NOL4L: variants seen among roughly 807,000 people sequenced by gnomAD.
NOL4L encodes the protein nucleolar protein 4-like.
A neutral mutation model predicts 64.5 loss-of-function variants in NOL4L; 7 were observed. That is an observed-to-expected ratio of 0.11 (90% CI 0.06 to 0.20). NOL4L has a LOEUF of 0.20. Ranked by LOEUF, NOL4L falls within the 10% of genes least tolerant of loss-of-function variation. NOL4L has a pLI of 1.00. For synonymous variants in NOL4L, 413 were observed against 401.0 expected, an observed-to-expected ratio of 1.03 and a Z score of -0.36; for missense variants, 680 against 967.1, an observed-to-expected ratio of 0.70 and a Z score of 3.94.
chr20:32,511,364 T>C lies in NOL4L; in HGVS notation c.682A>G (p.Met228Val), dbSNP rs541191150. 1.9e-5 allele frequency: 30 copies of C among 1,550,034 alleles called. No individual in the cohort carries two copies. The South Asian group carries it at 3.5e-4, about 18-fold the overall frequency. The change falls in exon 4 of 11, where the codon ATG (methionine) becomes GTG (valine). Residue 228 changes from methionine to valine, a missense_variant. Transcript: ENST00000621426. ...CGCCTTACCTGCTCCTGGGAATTCA[T>C]CACTCGAAGCTTCATCTGCTTCAGG... The part of the protein sequence containing the change: ...TYLKQMKLRV[M>V]NSQEQDETSV...
At chr20:32,546,058 C>T (rs1012947448) in intron 1 of NOL4L, among the ~76,000 whole-genome samples, 2 of 151,580 alleles carry the variant, frequency 1.3e-5, no homozygotes, top group African/African-American at 4.8e-5. Context: ...AGGCGATTCT[C>T]CTGCCTCAGC....
At chr20:32,576,138 G>A (rs1422798154) in intron 1 of NOL4L, among the ~76,000 whole-genome samples, 1 of 152,212 alleles carries the variant, frequency 6.6e-6, no homozygotes, top group African/African-American at 2.4e-5. Flanking sequence ...AGTGAGACAG[G>A]AGTCTTGGAG....
chr20:32,515,260 G>C (rs1471365056), intron 3 of NOL4L, among the ~76,000 whole-genome samples: 1 of 152,166 alleles, frequency 6.6e-6, no homozygotes, highest in East Asian at 1.9e-4. Context: ...TGGTCTTGGG[G>C]AAGCTGGAAC....
In NOL4L at chr20:32,527,159, C is replaced by T. The variant is rs1033624489; in HGVS notation, c.477+599G>A. Among the ~76,000 whole-genome samples the T allele has an allele frequency of 3.9e-5, 6 of 152,298 alleles. No homozygotes were observed. The East Asian group carries it at 9.7e-4, about 25-fold the overall frequency. On this transcript the variant is annotated intron_variant, in intron 2 of 10. Transcript: ENST00000621426. ...ATGCCCCTGAGCCTGGGTTCTTGCT[C>T]TCTCAAAGCGAGCCTTGGAGACATT...
chr20:32,452,774 G>T, intron 9 of NOL4L, 110 bp downstream of exon 9: 1 of 1,509,106 alleles, frequency 6.6e-7, no homozygotes, highest in South Asian at 1.2e-5. Flanking sequence ...TTCCCCCTCT[G>T]CCCTTCTCCC....
chr20:32,530,926 A>AC (rs1320957888), intron 1 of NOL4L, among the ~76,000 whole-genome samples: 4 of 152,300 alleles, frequency 2.6e-5, no homozygotes, highest in Middle Eastern at 3.4e-3. Context: ...CATCTCAAAA[A>AC]AAAAACAAAA....
rs565363625 is a variant in NOL4L at position 32,555,591 on chromosome 20, C to G, written c.322-27678G>C. Among the ~76,000 whole-genome samples, 15 of 152,134 alleles carry G rather than the reference C, an allele frequency of 9.9e-5. No individual in the cohort carries two copies. The South Asian group carries it at 3.1e-3, about 32-fold the overall frequency. On this transcript the variant is annotated intron_variant, in intron 1 of 10. Coordinates refer to ENST00000621426, the MANE Select transcript of NOL4L (RefSeq NM_001256798.2). The stretch of plus-strand genomic sequence containing the variant: ...AGGATGTCACAGGAGTGATAATGCA[C>G]CTGGCCAAGACAGGACCTTTCAAGA...
At chr20:32,488,853 TTC>T (rs1491298132) in intron 4 of NOL4L, among the ~76,000 whole-genome samples, 13 of 100,654 alleles carry the variant, frequency 1.3e-4, no homozygotes, top group African/African-American at 8.0e-4. Context: ...CTTTCTTTCT[TTC>T]TTTCTTTCTT....
chr20:32,475,789 A>C (rs888904435), intron 4 of NOL4L, among the ~76,000 whole-genome samples: 3 of 151,956 alleles, frequency 2.0e-5, no homozygotes, highest in Non-Finnish European at 4.4e-5. Flanking sequence ...CCCCTCACAG[A>C]CACCTCTTTT....
At chr20:32,480,472 C>T (rs2015646572) in intron 4 of NOL4L, among the ~76,000 whole-genome samples, 1 of 152,158 alleles carries the variant, frequency 6.6e-6, no homozygotes, top group African/African-American at 2.4e-5. Flanking sequence ...AGAACACCAG[C>T]CTCAGGGGGT....
chr20:32,519,234 G>A (rs994856563), intron 3 of NOL4L, among the ~76,000 whole-genome samples: 3 of 152,300 alleles, frequency 2.0e-5, no homozygotes, highest in East Asian at 1.9e-4. Flanking sequence ...TGGCCTGATG[G>A]CTCCCAAGGG....
rs116744544 is a variant in NOL4L at position 32,568,882 on chromosome 20, C to T, written c.321+15688G>A. ...ACTGCAGGCTGCTTGTGTGGGGGACCCTGGCCATCTCACCAGCCCTCATGT... is the reference window on the plus strand; with the variant it reads ...ACTGCAGGCTGCTTGTGTGGGGGACTCTGGCCATCTCACCAGCCCTCATGT... On this transcript the variant is annotated intron_variant, in intron 1 of 10. Transcript: ENST00000621426. Among the ~76,000 whole-genome samples, 1,101 of 152,254 alleles carry T rather than the reference C, an allele frequency of 7.2e-3. 8 individuals are homozygous for T. Among genetic ancestry groups the T allele is most frequent in the African/African-American group, 0.025 (1,036 of 41,544 alleles).
intron 1 of NOL4L, chr20:32,536,187 C>T: frequency 6.1e-6 from 6 of 985,582 alleles, no homozygotes; most frequent in Non-Finnish European, 7.2e-6. Flanking sequence ...GCTACTCTGG[C>T]GACCCGCCTC....
At chr20:32,488,780 TTCCTTCCTTC>T (rs1568647617) in intron 4 of NOL4L, among the ~76,000 whole-genome samples, 23 of 48,340 alleles carry the variant, frequency 4.8e-4, no homozygotes, top group African/African-American at 1.1e-3. Context: ...CCTTCCTTCC[TTCCTTCCTTC>T]CTTTCTTTCT....
chr20:32,507,506 A>G (rs1176626309), intron 4 of NOL4L, among the ~76,000 whole-genome samples: 1 of 152,192 alleles, frequency 6.6e-6, no homozygotes, highest in Non-Finnish European at 1.5e-5. Context: ...TAGCATATTA[A>G]TCTGATACAA....
At chr20:32,545,212 G>T (rs753285122) in intron 1 of NOL4L, among the ~76,000 whole-genome samples, 1 of 152,202 alleles carries the variant, frequency 6.6e-6, no homozygotes, top group Non-Finnish European at 1.5e-5. Context: ...GTTTGAGGCT[G>T]CAGTGAGTTA....
chr20:32,555,719 A>G (rs979750360), intron 1 of NOL4L, among the ~76,000 whole-genome samples: 3 of 152,180 alleles, frequency 2.0e-5, no homozygotes, highest in African/African-American at 4.8e-5. Flanking sequence ...CAGAGAGACC[A>G]TGAGAAGACA....
At chr20:32,454,256 C>T (rs370159833) in intron 6 of NOL4L, among the ~76,000 whole-genome samples, 1 of 152,230 alleles carries the variant, frequency 6.6e-6, no homozygotes, top group African/African-American at 2.4e-5. Flanking sequence ...TGCTGTCTGT[C>T]GGGAGGAGGA....
At chr20:32,583,536 A>C (rs1980641725) in intron 1 of NOL4L, among the ~76,000 whole-genome samples, 1 of 135,364 alleles carries the variant, frequency 7.4e-6, no homozygotes, top group Non-Finnish European at 1.6e-5. Flanking sequence ...GGAGGGAGCA[A>C]GGAGGGCGGG....
Sources: allele counts gnomAD v4.1 joint callset (sites outside exome capture counted in the v4.1 genomes callset), GRCh38; gene constraint gnomAD v4.1.1; transcripts MANE v1.5; gene names NCBI Gene and HGNC (gene_info 2026-07-23, HGNC 2026-07-21).